The following COA1 variants were observed in gnomAD, a reference collection of about 807,000 sequenced individuals.
COA1 encodes cytochrome c oxidase assembly factor 1 homolog.
Under a neutral mutation model 16.0 loss-of-function variants are expected in COA1, and 13 were observed. That is an observed-to-expected ratio of 0.81 (90% CI 0.53 to 1.29). The LOEUF (loss-of-function observed/expected upper bound fraction) is 1.29, where lower values mean the gene tolerates loss of function less well. COA1 is among the 50% of genes most tolerant of loss of function. COA1 has a pLI of 0.00. For missense variants in COA1, 179 were observed against 177.0 expected (o/e 1.01, Z -0.06); for synonymous variants, 65 against 65.7 (o/e 0.99, Z 0.05).
In COA1 at chr7:43,655,108, T is replaced by C. The variant is rs116786138; in HGVS notation, c.-38-6456A>G. Among the ~76,000 whole-genome samples the C allele has an allele frequency of 8.9e-3, 1,350 of 152,322 alleles. 17 individuals carry two copies. The highest frequency in any genetic ancestry group is 0.031 in the African/African-American group (1,295 of 41,570). ...CACTGAGACCAATTAATCCAAATAA[T>C]TGTTTACTTATAAAATGAACAGAAA... On this transcript the variant is annotated intron_variant, in intron 1 of 5. Transcript: ENST00000223336.
chr7:43,691,069 A>AAAC (rs2094262108), intron 1 of COA1, among the ~76,000 whole-genome samples: 1 of 136,066 alleles, frequency 7.3e-6, no homozygotes, highest in Non-Finnish European at 1.5e-5. Context: ...AAAAAAAAAA[A>AAAC]AAAAAAAACA....
intron 1 of COA1, among the ~76,000 whole-genome samples, chr7:43,673,003 T>C (rs1361809966): frequency 6.6e-6 from 1 of 152,122 alleles, no homozygotes; most frequent in Non-Finnish European, 1.5e-5. Context: ...TTACACCATA[T>C]ACAAAAATCA....
chr7:43,618,141 G>A lies in COA1; in HGVS notation c.*134-8646C>T, dbSNP rs557611250. On this transcript the variant is annotated intron_variant and NMD_transcript_variant, in intron 6 of 6. Transcript: ENST00000415076. ...CTAGAGGACCAATGTGATGGAGACAGAAACAAACAGCTAACAGAACAATAG... is the reference window on the plus strand; with the variant it reads ...CTAGAGGACCAATGTGATGGAGACAAAAACAAACAGCTAACAGAACAATAG... Among the ~76,000 whole-genome samples the A allele has an allele frequency of 3.5e-3, 535 of 152,308 alleles. 1 individual carries two copies. Among genetic ancestry groups the A allele is most frequent in the Middle Eastern group, 0.01 (3 of 294 alleles).
intron 5 of COA1, 43 bp downstream of exon 5, chr7:43,640,530 G>T: frequency 7.2e-7 from 1 of 1,382,388 alleles, no homozygotes; most frequent in Non-Finnish European, 1.0e-6. Context: ...TCATCAGGAA[G>T]TCTTCCTCCC....
chr7:43,710,396 T>TTATATATATATATATATA (rs1563450322), intron 1 of COA1, among the ~76,000 whole-genome samples: 1 of 97,522 alleles, frequency 1.0e-5, no homozygotes, highest in Non-Finnish European at 2.2e-5. Flanking sequence ...ATATATATAT[T>TTATATATATATATATATA]TTTAAGATAT....
chr7:43,726,341 T>C (rs2095616865), intron 1 of COA1, among the ~76,000 whole-genome samples: 1 of 152,110 alleles, frequency 6.6e-6, no homozygotes, highest in South Asian at 2.1e-4. Context: ...TTTCTATAAC[T>C]CCTATAATTA....
chr7:43,676,742 A>G (rs1339439670), intron 1 of COA1, among the ~76,000 whole-genome samples: 1 of 152,164 alleles, frequency 6.6e-6, no homozygotes, highest in Non-Finnish European at 1.5e-5. Flanking sequence ...CACATTGTAC[A>G]CATGTATCAA....
chr7:43,648,695 G>T, intron 1 of COA1, 43 bp from the exon 2 acceptor site: 1 of 1,475,360 alleles, frequency 6.8e-7, no homozygotes, highest in Non-Finnish European at 9.4e-7. Context: ...TATTTTTAAA[G>T]CCCAGTTCTC....
intron 1 of COA1, among the ~76,000 whole-genome samples, chr7:43,696,780 G>GGGAAAA: frequency 6.6e-6 from 1 of 152,220 alleles, no homozygotes; most frequent in Non-Finnish European, 1.5e-5. Context: ...AATCAGGGAA[G>GGGAAAA]ATTACACAGG....
chr7:43,715,212 T>C (rs1391536550), intron 1 of COA1, among the ~76,000 whole-genome samples: 1 of 152,126 alleles, frequency 6.6e-6, no homozygotes, highest in Non-Finnish European at 1.5e-5. Context: ...AAAAAATTCA[T>C]ACATTTAACA....
intron 6 of COA1, chr7:43,624,475 G>C: frequency 2.6e-6 from 4 of 1,535,300 alleles, no homozygotes; most frequent in Non-Finnish European, 3.5e-6. Flanking sequence ...AATTTTAATT[G>C]AAGTTCTAAC....
chr7:43,680,975 G>A (rs2093743293), intron 1 of COA1, among the ~76,000 whole-genome samples: 1 of 152,140 alleles, frequency 6.6e-6, no homozygotes, highest in African/African-American at 2.4e-5. Context: ...TGTCTCTGGG[G>A]AGGGGGGTAC....
intron 1 of COA1, among the ~76,000 whole-genome samples, chr7:43,704,676 T>C (rs1362613625): frequency 6.6e-6 from 1 of 152,206 alleles, no homozygotes; most frequent in Non-Finnish European, 1.5e-5. Context: ...GTTTGGTTCT[T>C]TCTTAAAATG....
chr7:43,656,500 A>G (rs1257660424), intron 1 of COA1, among the ~76,000 whole-genome samples: 1 of 151,896 alleles, frequency 6.6e-6, no homozygotes, highest in Non-Finnish European at 1.5e-5. Context: ...GATCGAGACC[A>G]TCCTGGCCAA....
chr7:43,669,293 C>T (rs987369218), intron 1 of COA1, among the ~76,000 whole-genome samples: 1 of 152,098 alleles, frequency 6.6e-6, no homozygotes, highest in Admixed American at 6.6e-5. Flanking sequence ...TCCTTTAAAG[C>T]GGCTCCAGAA....
intron 6 of COA1, chr7:43,633,380 T>C (rs748444814): frequency 6.6e-6 from 1 of 152,250 alleles, no homozygotes; most frequent in Non-Finnish European, 1.5e-5. Context: ...CCAATTTCAA[T>C]ACTGTTGTGT....
intron 6 of COA1, chr7:43,631,011 C>T (rs2085123467): frequency 6.6e-6 from 1 of 152,082 alleles, no homozygotes; most frequent in African/African-American, 2.4e-5. Context: ...ATTGTATTTA[C>T]CCATATTTTT....
chr7:43,691,869 C>A (rs1335692484), intron 1 of COA1, among the ~76,000 whole-genome samples: 1 of 152,200 alleles, frequency 6.6e-6, no homozygotes, highest in Non-Finnish European at 1.5e-5. Context: ...AGCCCCATTC[C>A]CAAAGGGTTT....
intron 1 of COA1, among the ~76,000 whole-genome samples, chr7:43,714,265 T>C (rs972036496): frequency 2.0e-5 from 3 of 152,184 alleles, no homozygotes; most frequent in African/African-American, 4.8e-5. Context: ...AAAGATTTTC[T>C]GTTTAAAAAA....
Sources: gnomAD v4.1 joint callset for allele counts (sites outside exome capture counted in the v4.1 genomes callset) on GRCh38, gnomAD v4.1.1 for gene constraint, MANE v1.5 for transcripts, NCBI Gene and HGNC (gene_info 2026-07-23, HGNC 2026-07-21) for gene names.